Variants in WBP11 observed in about 807,000 individuals in gnomAD.
WBP11 encodes the protein WW domain binding protein 11.
A neutral mutation model predicts 66.7 loss-of-function variants in WBP11; 12 were observed. The observed-to-expected ratio is 0.18, with a 90% CI of 0.12 to 0.29. The LOEUF is 0.29. Ranked by LOEUF, WBP11 falls within the 10% of genes least tolerant of loss-of-function variation. The probability of loss-of-function intolerance (pLI) is 1.00; values close to 1 mark genes in which losing one functional copy is unlikely to be tolerated. For synonymous variants in WBP11, 255 were observed against 273.8 expected (o/e 0.93, Z 0.68); for missense variants, 555 against 818.3 (o/e 0.68, Z 3.93).
chr12:14,799,060 C>T (rs1949928956), intron 4 of WBP11, among the ~76,000 whole-genome samples: 1 of 152,042 alleles, frequency 6.6e-6, no homozygotes, highest in Non-Finnish European at 1.5e-5. Flanking sequence ...CCAGTTATAA[C>T]AAAGCAGCGA....
chr12:14,791,337 A>T, intron 8 of WBP11, 67 bp from the exon 9 acceptor site: 1 of 1,321,352 alleles, frequency 7.6e-7, no homozygotes, highest in Non-Finnish European at 1.1e-6. Context: ...TTTACTACGT[A>T]GCACTATAAA....
chr12:14,799,175 G>T (rs762804563), intron 4 of WBP11, among the ~76,000 whole-genome samples: 7 of 152,078 alleles, frequency 4.6e-5, no homozygotes, highest in Non-Finnish European at 8.8e-5. Flanking sequence ...GGTATTTGAT[G>T]ATTTTTTTCT....
intron 7 of WBP11, 109 bp downstream of exon 7, chr12:14,794,428 T>G: frequency 8.3e-7 from 1 of 1,206,512 alleles, no homozygotes; most frequent in South Asian, 1.2e-5. Flanking sequence ...GTTATGTACA[T>G]GATACCCTCT....
intron 8 of WBP11, among the ~76,000 whole-genome samples, 194 bp from the exon 9 acceptor site, chr12:14,791,464 G>T (rs1949821459): frequency 6.6e-6 from 1 of 152,142 alleles, no homozygotes; most frequent in African/African-American, 2.4e-5. Context: ...TACTAAAGTT[G>T]GCCAAAGAAG....
intron 7 of WBP11, among the ~76,000 whole-genome samples, 179 bp downstream of exon 7, chr12:14,794,358 C>T (rs17834449): frequency 0.16 from 23,757 of 152,116 alleles, 2,159 homozygotes; most frequent in Non-Finnish European, 0.2. Flanking sequence ...CATTTCTATA[C>T]TTATGTATGA....
intron 2 of WBP11, chr12:14,801,025 T>C (rs1949956068): frequency 2.1e-6 from 1 of 474,706 alleles, no homozygotes; most frequent in Non-Finnish European, 3.7e-6. Context: ...AGGAAAAACA[T>C]AACATAAAAC....
At chr12:14,799,771 A>T (rs892612056) in intron 3 of WBP11, 43 bp from the exon 4 acceptor site, 3 of 1,575,922 alleles carry the variant, frequency 1.9e-6, no homozygotes, top group Non-Finnish European at 2.6e-6. Flanking sequence ...TCAGGCACTC[A>T]GGAGTTTTAC....
intron 4 of WBP11, 111 bp from the exon 5 acceptor site, chr12:14,797,114 T>A: frequency 2.8e-6 from 2 of 705,022 alleles, no homozygotes; most frequent in Non-Finnish European, 4.2e-6. Context: ...TTAAGAGATC[T>A]AGACACCAGA....
intron 1 of WBP11, 31 bp downstream of exon 1, chr12:14,803,321 G>T (rs1565676492): frequency 7.5e-6 from 3 of 398,166 alleles, no homozygotes. Flanking sequence ...AAGAGGTGAG[G>T]AAGAGTAGTA....
At position 14,796,199 on chromosome 12, in the gene WBP11, A is replaced by T. The variant is rs1024530231; in HGVS notation, c.387+608T>A. Among the ~76,000 whole-genome samples, 1 of 152,060 alleles carries T rather than the reference A, an allele frequency of 6.6e-6. No individual in the cohort carries two copies. Among genetic ancestry groups the T allele is most frequent in the Non-Finnish European group, 1.5e-5 (1 of 67,994 alleles). On this transcript the variant is annotated intron_variant, in intron 5 of 11. Coordinates refer to ENST00000261167, the MANE Select transcript of WBP11 (RefSeq NM_016312.3). This position sits in a 1 kb window ranked among gnomAD's most constrained non-coding sequence, Gnocchi z 4.5. ...TCTTTTTTTATTCCATGCTGTTTTG[A>T]GTATTAGATTATTCCTTTTATTGCT...
chr12:14,803,098 C>G (rs1471049005), intron 1 of WBP11, among the ~76,000 whole-genome samples: 3 of 152,194 alleles, frequency 2.0e-5, no homozygotes, highest in African/African-American at 4.8e-5. Context: ...ACTCGAGGTA[C>G]AAGACGTCAA....
chr12:14,790,732 C>T lies in WBP11; in HGVS notation c.1033G>A (p.Glu345Lys). Residue 345 changes from glutamate to lysine, a missense_variant, in exon 10 of 12, where the codon GAG becomes AAG. Physicochemically the swap from Glu to Lys is moderately conservative, Grantham distance 56. Coordinates refer to ENST00000261167, the MANE Select transcript of WBP11 (RefSeq NM_016312.3). ...LRMAGQEIPE[E>K]GREVEEFSED... is the part of the protein sequence containing the mutation. ...GAAAATTCCTCTACTTCCCGTCCCT[C>T]CTCAGGGATTTCTTGACCTGAAAGA... The T allele has an allele frequency of 1.2e-6, 2 of 1,613,104 alleles. No homozygotes were observed. Among genetic ancestry groups the T allele is most frequent in the Non-Finnish European group, 1.7e-6 (2 of 1,179,388 alleles).
At chr12:14,787,530 G>C in intron 11 of WBP11, 32 bp from the exon 12 acceptor site, 2 of 1,433,708 alleles carry the variant, frequency 1.4e-6, no homozygotes, top group Non-Finnish European at 1.8e-6. Context: ...GATGAATACT[G>C]TAAGAACTAA....
At position 14,794,640 on chromosome 12, in the gene WBP11, T is replaced by A. The variant is rs1949867910; in HGVS notation, c.618A>T (p.Pro206=). 1 of 1,613,122 alleles carries A rather than the reference T, an allele frequency of 6.2e-7. No individual in the cohort carries two copies. Among genetic ancestry groups the A allele is most frequent in the African/African-American group, 1.3e-5 (1 of 74,602 alleles). The change falls in exon 7 of 12, where the codon CCA becomes CCT. Residue 206 remains proline, a synonymous_variant. Coordinates refer to ENST00000261167, the MANE Select transcript of WBP11 (RefSeq NM_016312.3). ...ACATCTGCACGACTTGAGGAGGAGG[T>A]GGACCAGGGGGAGGGCCAGGAGGTT... ...GRKPPGPPPG[P]PPPQVVQMYG...
intron 5 of WBP11, 141 bp from the exon 6 acceptor site, chr12:14,795,245 C>T (rs749726111): frequency 3.3e-6 from 3 of 917,482 alleles, no homozygotes; most frequent in Non-Finnish European, 4.6e-6. Flanking sequence ...GAAAAATAAC[C>T]TTACGTCAAT....
rs771838833 is a variant in WBP11, at chr12:14,793,726, C to T, written c.913+5G>A. ...CAATACCATGAATCCTTCATCTGCA[C>T]ATACCTGACTTCTTTTCTTCATTGT... On this transcript the variant is annotated splice_donor_5th_base_variant and intron_variant, in intron 8 of 11. Transcript: ENST00000261167. 4.3e-6 allele frequency: 7 copies of T among 1,613,350 alleles called. No individual in the cohort carries two copies. In the East Asian group the frequency reaches 8.9e-5, roughly 21 times the overall value.
chr12:14,792,867 T>A (rs560140657), intron 8 of WBP11, among the ~76,000 whole-genome samples: 2 of 150,364 alleles, frequency 1.3e-5, no homozygotes, highest in Admixed American at 1.3e-4. Flanking sequence ...AAAAAATCTG[T>A]AGGCAGAATA....
chr12:14,788,350 A>G (rs945695913), intron 11 of WBP11, among the ~76,000 whole-genome samples: 9 of 152,240 alleles, frequency 5.9e-5, no homozygotes, highest in African/African-American at 2.2e-4. Flanking sequence ...CACAATATTC[A>G]TATACCAAGA....
In WBP11 at chr12:14,793,874, C is replaced by T; in HGVS notation, c.770G>A (p.Gly257Asp). ...ATCTTGATCCATGTCCTCAGGATAGCCATCATCTTCACTGGTGCTAGAAAC... is the reference window on the plus strand; with the variant it reads ...ATCTTGATCCATGTCCTCAGGATAGTCATCATCTTCACTGGTGCTAGAAAC... Reference protein sequence around the residue: ...DDVSSTSEDDGYPEDMDQDKH... With the variant: ...DDVSSTSEDDDYPEDMDQDKH... Residue 257 changes from glycine (G) to aspartate (D), a missense_variant, in exon 8 of 12, where the codon GGC (glycine) becomes GAC (aspartate). Gly to Asp is a moderately conservative substitution (Grantham distance 94). Transcript: ENST00000261167. 1 of 1,613,544 alleles carries T rather than the reference C, an allele frequency of 6.2e-7. No individual in the cohort carries two copies. The highest frequency in any genetic ancestry group is 8.5e-7 in the Non-Finnish European group (1 of 1,179,756).
Sources: gnomAD v4.1 joint callset for allele counts (sites outside exome capture counted in the v4.1 genomes callset) on GRCh38, gnomAD v4.1.1 for gene constraint, Gnocchi (gnomAD v3.1) non-coding constraint, MANE v1.5 for transcripts, NCBI Gene and HGNC (gene_info 2026-07-23, HGNC 2026-07-21) for gene names.